The following TNKS variants were observed in gnomAD, a reference collection of about 807,000 sequenced individuals.
The protein encoded by TNKS is tankyrase.
TNKS carries 72 observed loss-of-function variants against 135.8 expected under a neutral mutation model. The observed-to-expected ratio is 0.53, with a 90% CI of 0.44 to 0.64. The LOEUF (loss-of-function observed/expected upper bound fraction) is 0.64. Among genes scored for constraint, TNKS ranks in the 30% least tolerant of loss-of-function variants. The probability of loss-of-function intolerance (pLI) is 0.00; values close to 1 mark genes in which losing one functional copy is unlikely to be tolerated. For missense variants in TNKS, 1,769 were observed against 1,674.0 expected, an observed-to-expected ratio of 1.06 and a Z score of -0.99; for synonymous variants, 849 against 649.3, an observed-to-expected ratio of 1.31 and a Z score of -4.68.
At chr8:9,723,735 G>T (rs1260313219) in intron 12 of TNKS, among the ~76,000 whole-genome samples, 1 of 152,100 alleles carries the variant, frequency 6.6e-6, no homozygotes, top group Non-Finnish European at 1.5e-5. Context: ...CACATTTCAG[G>T]TATTCCGTAG....
chr8:9,669,379 C>T (rs912916806), intron 3 of TNKS, among the ~76,000 whole-genome samples: 1 of 144,808 alleles, frequency 6.9e-6, no homozygotes, highest in African/African-American at 2.6e-5. Flanking sequence ...GATTGCGCCA[C>T]TGCAGTCCGC....
At chr8:9,689,498 A>G (rs943547890) in intron 5 of TNKS, among the ~76,000 whole-genome samples, 5 of 152,178 alleles carry the variant, frequency 3.3e-5, no homozygotes, top group African/African-American at 1.2e-4. Flanking sequence ...GATTTTATAA[A>G]AAAAATGCTT....
intron 2 of TNKS, among the ~76,000 whole-genome samples, chr8:9,594,248 C>T (rs1798691995): frequency 1.3e-5 from 2 of 152,182 alleles, no homozygotes; most frequent in African/African-American, 2.4e-5. Context: ...TTTTTCTTAA[C>T]AGCATTATTA....
At chr8:9,625,626 C>CT (rs1800027838) in intron 3 of TNKS, among the ~76,000 whole-genome samples, 1 of 151,894 alleles carries the variant, frequency 6.6e-6, no homozygotes, top group Non-Finnish European at 1.5e-5. Flanking sequence ...TTAAATTTCT[C>CT]TTGAGATTTC....
chr8:9,781,161 A>C lies in TNKS; in HGVS notation c.*4425A>C, dbSNP rs1296454111. 1 of 152,172 alleles carries C rather than the reference A, an allele frequency of 6.6e-6. No homozygotes were observed. The highest frequency in any genetic ancestry group is 1.5e-5 in the Non-Finnish European group (1 of 68,042). 9.4% of individuals were successfully genotyped at this position (152,172 alleles called of 1,614,324 possible). Reference sequence around the variant, plus strand: ...CTCTGAAATAACATTCGCACTGTAGATTGCATTTCGGCTTTTCCTCCTTTC... The same window carrying C: ...CTCTGAAATAACATTCGCACTGTAGCTTGCATTTCGGCTTTTCCTCCTTTC... On this transcript the variant is annotated 3_prime_UTR_variant, in exon 27 of 27. Transcript: ENST00000310430.
chr8:9,667,581 T>C (rs948427764), intron 3 of TNKS, among the ~76,000 whole-genome samples: 2 of 152,208 alleles, frequency 1.3e-5, no homozygotes, highest in African/African-American at 4.8e-5. Flanking sequence ...GTCTTGTCTT[T>C]GTTGTGATTA....
At chr8:9,769,546 A>G (rs1472043672) in intron 25 of TNKS, among the ~76,000 whole-genome samples, 1 of 151,286 alleles carries the variant, frequency 6.6e-6, no homozygotes, top group Non-Finnish European at 1.5e-5. Context: ...CATCCATGCA[A>G]GGGCTCAGTT....
At chr8:9,682,902 C>T (rs1414823400) in intron 5 of TNKS, among the ~76,000 whole-genome samples, 2 of 151,830 alleles carry the variant, frequency 1.3e-5, no homozygotes, top group Non-Finnish European at 2.9e-5. Flanking sequence ...GAACGTACCT[C>T]AAGCATTATT....
chr8:9,565,799 G>C (rs188379268), intron 1 of TNKS, among the ~76,000 whole-genome samples: 237 of 152,204 alleles, frequency 1.6e-3, no homozygotes, highest in Middle Eastern at 3.4e-3. Flanking sequence ...AGAGCTTGCA[G>C]TGAGCCGAGA....
chr8:9,693,106 A>G (rs1286921778), intron 5 of TNKS, among the ~76,000 whole-genome samples: 1 of 152,322 alleles, frequency 6.6e-6, no homozygotes, highest in Non-Finnish European at 1.5e-5. Context: ...GTAATATTTT[A>G]TTTTTAGAAG....
chr8:9,774,353 G>A (rs1247084268), intron 26 of TNKS, among the ~76,000 whole-genome samples: 2 of 152,246 alleles, frequency 1.3e-5, no homozygotes, highest in East Asian at 1.9e-4. Flanking sequence ...AGAGCATGAC[G>A]GTCCCTTCCT....
intron 2 of TNKS, among the ~76,000 whole-genome samples, chr8:9,590,334 A>C (rs1798544665): frequency 6.6e-6 from 1 of 152,028 alleles, no homozygotes; most frequent in Non-Finnish European, 1.5e-5. Context: ...CAGATTTTTC[A>C]CTAATAATGT....
intron 3 of TNKS, among the ~76,000 whole-genome samples, chr8:9,629,084 C>T (rs907447246): frequency 6.6e-6 from 1 of 152,216 alleles, no homozygotes; most frequent in Admixed American, 6.5e-5. Context: ...CTGATTTATA[C>T]TAGGTCTCAC....
chr8:9,698,386 A>AAAG (rs1472186466), intron 5 of TNKS, among the ~76,000 whole-genome samples: 2 of 151,296 alleles, frequency 1.3e-5, no homozygotes, highest in Non-Finnish European at 2.9e-5. Flanking sequence ...AAAAAAAAAA[A>AAAG]AAAAAGCTTA....
At chr8:9,612,996 T>G (rs4841181) in intron 2 of TNKS, among the ~76,000 whole-genome samples, 35,055 of 152,064 alleles carry the variant, frequency 0.23, 4,449 homozygotes, top group Non-Finnish European at 0.29. Context: ...CTCATCGTCT[T>G]CCCATTGAGT....
intron 2 of TNKS, among the ~76,000 whole-genome samples, chr8:9,610,823 A>G (rs1419725587): frequency 6.6e-6 from 1 of 152,222 alleles, no homozygotes; most frequent in African/African-American, 2.4e-5. Context: ...ATTAGTTAAT[A>G]ATGCCTGCAG....
At chr8:9,774,446 T>C (rs1171274668) in intron 26 of TNKS, among the ~76,000 whole-genome samples, 4 of 152,078 alleles carry the variant, frequency 2.6e-5, no homozygotes, top group Non-Finnish European at 5.9e-5. Context: ...ATTCAGAAAA[T>C]GAGTTAGCAG....
At chr8:9,684,246 C>G (rs572236742) in intron 5 of TNKS, among the ~76,000 whole-genome samples, 1 of 151,894 alleles carries the variant, frequency 6.6e-6, no homozygotes, top group Non-Finnish European at 1.5e-5. Context: ...TTTAATCTCC[C>G]TTTACAGTGT....
chr8:9,765,684 C>T lies in TNKS; in HGVS notation c.3448-8C>T. 6.2e-7 allele frequency: 1 copy of T among 1,608,122 alleles called. No homozygotes were observed. Among genetic ancestry groups the T allele is most frequent in the Non-Finnish European group, 8.5e-7 (1 of 1,174,796 alleles). ...CCGATAATGTTTCTTTCTTCTTCAT[C>T]CTTAAAGATTCAAAAAGTTGTCAAC... is the stretch of plus-strand genomic sequence containing the variant. On this transcript the variant is annotated splice_polypyrimidine_tract_variant and splice_region_variant and intron_variant, in intron 23 of 26. Coordinates refer to ENST00000310430, the MANE Select transcript of TNKS (RefSeq NM_003747.3).
Sources: allele counts gnomAD v4.1 joint callset (sites outside exome capture counted in the v4.1 genomes callset), GRCh38; gene constraint gnomAD v4.1.1; transcripts MANE v1.5; gene names NCBI Gene and HGNC (gene_info 2026-07-23, HGNC 2026-07-21).